GRID2: variants seen among roughly 807,000 people sequenced by gnomAD.
GRID2 encodes glutamate receptor ionotropic, delta-2.
A neutral mutation model predicts 114.8 loss-of-function variants in GRID2; 33 were observed. The ratio of observed to expected loss-of-function variants is 0.29; its 90% CI spans 0.22 to 0.38. GRID2 has a LOEUF of 0.38. GRID2 is among the 10% of genes least tolerant of loss of function. GRID2 has a pLI of 1.00. For synonymous variants in GRID2, 505 were observed against 449.9 expected (o/e 1.12, Z -1.55); for missense variants, 1,184 against 1,257.7 (o/e 0.94, Z 0.89).
rs1553908378 is a variant in GRID2 at position 92,619,774 on chromosome 4, G to GTTTTTTTGT, written c.244+29491_244+29499dup. Among the ~76,000 whole-genome samples the GTTTTTTTGT allele has an allele frequency of 1.5e-4, 22 of 151,540 alleles. No homozygotes were observed. In the East Asian group the frequency reaches 4.3e-3, roughly 30 times the overall value. On this transcript the variant is annotated intron_variant, in intron 2 of 15. Coordinates refer to ENST00000282020, the MANE Select transcript of GRID2 (RefSeq NM_001510.4). ...GATTTCCAATTTGTTGTATGTCTTT[G>GTTTTTTTGT]TTTTTTTGTTTGTTTTTAGAATCCT...
intron 8 of GRID2, among the ~76,000 whole-genome samples, chr4:93,334,926 C>T (rs189133955): frequency 1.0e-3 from 153 of 151,564 alleles, no homozygotes; most frequent in African/African-American, 3.2e-3. Context: ...AGCAAAACTC[C>T]GTCTCAAAAA....
intron 2 of GRID2, among the ~76,000 whole-genome samples, chr4:92,678,777 G>A (rs1319579862): frequency 6.6e-6 from 1 of 151,778 alleles, no homozygotes; most frequent in Non-Finnish European, 1.5e-5. Flanking sequence ...ATACTCTCCT[G>A]GGCCCTTTAG....
intron 8 of GRID2, among the ~76,000 whole-genome samples, chr4:93,288,281 TA>T (rs1456644325): frequency 1.3e-5 from 2 of 152,260 alleles, no homozygotes; most frequent in East Asian, 1.9e-4. Context: ...GATAGAAATA[TA>T]AAAAAGTTCC....
chr4:93,497,611 C>T (rs1727676907), intron 12 of GRID2, among the ~76,000 whole-genome samples: 1 of 151,664 alleles, frequency 6.6e-6, no homozygotes, highest in Non-Finnish European at 1.5e-5. Flanking sequence ...AAAAGACTAT[C>T]CTTTCTTCAT....
intron 2 of GRID2, among the ~76,000 whole-genome samples, chr4:92,798,514 T>C (rs1340358464): frequency 6.6e-6 from 1 of 151,986 alleles, no homozygotes; most frequent in Non-Finnish European, 1.5e-5. Context: ...TGGGATTGAG[T>C]TGCATATGCA....
intron 2 of GRID2, among the ~76,000 whole-genome samples, chr4:92,931,684 TA>T (rs551124629): frequency 1.7e-3 from 238 of 139,378 alleles, no homozygotes; most frequent in South Asian, 7.4e-3. Flanking sequence ...ATAACCTGGA[TA>T]AAAAAAAAAA....
intron 14 of GRID2, among the ~76,000 whole-genome samples, chr4:93,635,513 A>G (rs1422859243): frequency 6.6e-6 from 1 of 151,940 alleles, no homozygotes; most frequent in African/African-American, 2.4e-5. Flanking sequence ...TATTTAGATA[A>G]GGACTAGCCT....
intron 2 of GRID2, among the ~76,000 whole-genome samples, chr4:92,778,374 C>A (rs1738906987): frequency 6.6e-6 from 1 of 151,986 alleles, no homozygotes; most frequent in Non-Finnish European, 1.5e-5. Context: ...TTCTTCAGAG[C>A]AATTTGTATG....
Position 92,684,603 on chromosome 4 carries a change from T to A in GRID2, c.244+94317T>A, listed in dbSNP as rs554561814. 1.2e-4 allele frequency among the ~76,000 whole-genome samples: 19 copies of A among 152,124 alleles called. No homozygotes were observed. The East Asian group carries it at 2.5e-3, about 20-fold the overall frequency. The stretch of plus-strand genomic sequence containing the variant: ...CAAACAGGCAGATAGTAATTCCAAT[T>A]ATTTGTATTTAGAGAAAACTTTTTC... On this transcript the variant is annotated intron_variant, in intron 2 of 15. Transcript: ENST00000282020.
At chr4:93,350,546 G>C (rs1416026917) in intron 8 of GRID2, among the ~76,000 whole-genome samples, 2 of 152,172 alleles carry the variant, frequency 1.3e-5, no homozygotes, top group South Asian at 4.1e-4. Context: ...CAAAAAGCTT[G>C]AGAAGTAGAT....
chr4:92,843,214 C>T (rs139159846), intron 2 of GRID2, among the ~76,000 whole-genome samples: 13 of 152,016 alleles, frequency 8.6e-5, no homozygotes, highest in Non-Finnish European at 1.6e-4. Context: ...TGCACTCCAG[C>T]CTGGGCGACA....
chr4:92,730,911 G>A (rs1343029017), intron 2 of GRID2, among the ~76,000 whole-genome samples: 1 of 151,876 alleles, frequency 6.6e-6, no homozygotes, highest in African/African-American at 2.4e-5. Context: ...AGGTGGGTTT[G>A]AATACTAATA....
chr4:92,811,260 A>G (rs2149379162), intron 2 of GRID2, among the ~76,000 whole-genome samples: 1 of 152,288 alleles, frequency 6.6e-6, no homozygotes, highest in African/African-American at 2.4e-5. Context: ...CTTTTAAATA[A>G]TAGTAAAACA....
intron 13 of GRID2, among the ~76,000 whole-genome samples, chr4:93,564,079 GC>G (rs1428151978): frequency 6.6e-6 from 1 of 151,728 alleles, no homozygotes; most frequent in East Asian, 1.9e-4. Flanking sequence ...TAGAAACTTG[GC>G]CTCCTCAGTA....
chr4:92,589,712 A>G (rs1728618747), intron 1 of GRID2, among the ~76,000 whole-genome samples: 1 of 152,184 alleles, frequency 6.6e-6, no homozygotes, highest in South Asian at 2.1e-4. Flanking sequence ...ATCGCAAGAA[A>G]GGTTTGATTC....
intron 4 of GRID2, among the ~76,000 whole-genome samples, chr4:93,123,694 C>T (rs1733999282): frequency 6.6e-6 from 1 of 152,066 alleles, no homozygotes; most frequent in Admixed American, 6.6e-5. Context: ...CTACCTGAAA[C>T]CTAATCAAAT....
Position 93,320,845 on chromosome 4 carries a change from A to G in GRID2, c.1246-74762A>G, listed in dbSNP as rs192735868. Among the ~76,000 whole-genome samples the G allele has an allele frequency of 2.5e-3, 387 of 152,250 alleles. 6 individuals are homozygous for G. The highest frequency in any genetic ancestry group is 4.8e-3 in the East Asian group (25 of 5,184). ...GTTTTTAATCTCATGCAAACTGTTTAAATGTATATATCTGTGATATTTTAA... is the reference window on the plus strand; with the variant it reads ...GTTTTTAATCTCATGCAAACTGTTTGAATGTATATATCTGTGATATTTTAA... On this transcript the variant is annotated intron_variant, in intron 8 of 15. Transcript: ENST00000282020.
intron 2 of GRID2, among the ~76,000 whole-genome samples, chr4:92,777,698 T>C (rs1738877293): frequency 7.2e-6 from 1 of 138,232 alleles, no homozygotes; most frequent in African/African-American, 2.7e-5. Context: ...AATGTCCTTA[T>C]AAGAAGAGGA....
chr4:92,950,481 T>G (rs543390104), intron 2 of GRID2, among the ~76,000 whole-genome samples: 3 of 152,330 alleles, frequency 2.0e-5, no homozygotes, highest in Admixed American at 6.5e-5. Flanking sequence ...TACGTGATTT[T>G]TTTAGTCCAA....
Sources: gnomAD v4.1 joint callset for allele counts (sites outside exome capture counted in the v4.1 genomes callset) on GRCh38, gnomAD v4.1.1 for gene constraint, MANE v1.5 for transcripts, NCBI Gene and HGNC (gene_info 2026-07-23, HGNC 2026-07-21) for gene names.